NDUFAF2: variants seen among roughly 807,000 people sequenced by gnomAD.
NDUFAF2 encodes the protein NADH dehydrogenase [ubiquinone] 1 alpha subcomplex assembly factor 2.
Under a neutral mutation model 22.8 loss-of-function variants are expected in NDUFAF2, and 13 were observed. That is an observed-to-expected ratio of 0.57 (90% CI 0.37 to 0.91). The LOEUF (loss-of-function observed/expected upper bound fraction) is 0.91, where lower values mean the gene tolerates loss of function less well. Ranked by LOEUF, NDUFAF2 falls within the 40% of genes least tolerant of loss-of-function variation. The pLI is 0.01. For synonymous variants in NDUFAF2, 53 were observed against 64.2 expected (o/e 0.83, Z 0.84); for missense variants, 162 against 195.2 (o/e 0.83, Z 1.01).
intron 1 of NDUFAF2, among the ~76,000 whole-genome samples, chr5:61,007,820 A>G (rs1370459106): frequency 1.3e-5 from 2 of 152,142 alleles, no homozygotes; most frequent in African/African-American, 2.4e-5. Context: ...CCAAAGGACT[A>G]TAAGTCATGC....
intron 3 of NDUFAF2, among the ~76,000 whole-genome samples, chr5:61,103,643 C>G (rs1487035469): frequency 6.6e-6 from 1 of 152,088 alleles, no homozygotes; most frequent in East Asian, 1.9e-4. Context: ...AATCTCAATA[C>G]TATGTAATTA....
intron 1 of NDUFAF2, among the ~76,000 whole-genome samples, chr5:60,977,835 T>TAAAA (rs1750922411): frequency 1.7e-5 from 1 of 57,770 alleles, no homozygotes; most frequent in Non-Finnish European, 4.1e-5. Context: ...AGACTCTGTC[T>TAAAA]CAAAAAAAAA....
intron 1 of NDUFAF2, among the ~76,000 whole-genome samples, chr5:60,985,014 C>T (rs979744642): frequency 1.3e-5 from 2 of 152,232 alleles, no homozygotes; most frequent in Admixed American, 6.5e-5. Context: ...GCTGTGAATT[C>T]GTCTGGTCCT....
chr5:61,122,616 G>C (rs1365114003), intron 3 of NDUFAF2, among the ~76,000 whole-genome samples: 1 of 152,104 alleles, frequency 6.6e-6, no homozygotes, highest in African/African-American at 2.4e-5. Flanking sequence ...CTCCCCATTT[G>C]TATGGCCTAA....
chr5:61,005,186 T>A (rs1158393847), intron 1 of NDUFAF2, among the ~76,000 whole-genome samples: 1 of 152,140 alleles, frequency 6.6e-6, no homozygotes, highest in Non-Finnish European at 1.5e-5. Context: ...GAAAATGCAG[T>A]GATTGGTTTT....
chr5:61,122,287 C>T (rs1752985548), intron 3 of NDUFAF2, among the ~76,000 whole-genome samples: 1 of 152,166 alleles, frequency 6.6e-6, no homozygotes, highest in African/African-American at 2.4e-5. Context: ...AATGCACTCA[C>T]TAAAGGTCAT....
chr5:61,143,530 G>A (rs895915687), intron 3 of NDUFAF2, among the ~76,000 whole-genome samples: 13 of 152,044 alleles, frequency 8.6e-5, no homozygotes, highest in Non-Finnish European at 1.6e-4. Flanking sequence ...AGCTCCAATA[G>A]ATATTAAAGA....
At chr5:61,059,438 A>G (rs769021071) in intron 1 of NDUFAF2, among the ~76,000 whole-genome samples, 1 of 152,094 alleles carries the variant, frequency 6.6e-6, no homozygotes, top group Non-Finnish European at 1.5e-5. Context: ...AAAATTCATT[A>G]ATGAAGTCCA....
chr5:61,096,220 G>C (rs778539791), intron 2 of NDUFAF2, among the ~76,000 whole-genome samples: 4 of 152,110 alleles, frequency 2.6e-5, no homozygotes, highest in Non-Finnish European at 5.9e-5. Context: ...CCCCAAAAGA[G>C]TAGGTACTTA....
intron 1 of NDUFAF2, among the ~76,000 whole-genome samples, chr5:61,021,769 T>C (rs571155926): frequency 6.6e-6 from 1 of 152,358 alleles, no homozygotes; most frequent in East Asian, 1.9e-4. Flanking sequence ...TTGCTTGTGT[T>C]GTTTAGCATT....
At chr5:60,971,286 C>CTTTTTTTTTTTTTTTT (rs70977817) in intron 1 of NDUFAF2, among the ~76,000 whole-genome samples, 1 of 144,314 alleles carries the variant, frequency 6.9e-6, no homozygotes, top group African/African-American at 2.5e-5. Context: ...TTCTTTCTTT[C>CTTTTTTTTTTTTTTTT]TTTTTTTTTT....
chr5:61,025,250 C>T (rs1751635403), intron 1 of NDUFAF2, among the ~76,000 whole-genome samples: 1 of 151,860 alleles, frequency 6.6e-6, no homozygotes, highest in South Asian at 2.1e-4. Context: ...AGGAGATGTT[C>T]AATATATATT....
chr5:61,077,433 A>G (rs139925701), intron 2 of NDUFAF2, among the ~76,000 whole-genome samples: 1 of 152,346 alleles, frequency 6.6e-6, no homozygotes, highest in East Asian at 1.9e-4. Context: ...TACAGGAACT[A>G]TTTTGTCTGA....
intron 2 of NDUFAF2, among the ~76,000 whole-genome samples, chr5:61,084,740 G>A (rs1345580523): frequency 1.3e-5 from 2 of 152,094 alleles, no homozygotes; most frequent in African/African-American, 2.4e-5. Flanking sequence ...GGACACTGGA[G>A]TTGCTTCCCC....
At chr5:61,103,142 C>T (rs1752722481) in intron 3 of NDUFAF2, among the ~76,000 whole-genome samples, 1 of 152,094 alleles carries the variant, frequency 6.6e-6, no homozygotes, top group Non-Finnish European at 1.5e-5. Context: ...TTTCTGGGAG[C>T]TCTGGCCAAC....
chr5:60,986,273 A>T (rs943541270), intron 1 of NDUFAF2, among the ~76,000 whole-genome samples: 1 of 152,206 alleles, frequency 6.6e-6, no homozygotes, highest in East Asian at 1.9e-4. Context: ...ACTGGATAAA[A>T]TGTGGTACAT....
intron 1 of NDUFAF2, among the ~76,000 whole-genome samples, chr5:60,963,285 A>T (rs576017362): frequency 6.6e-6 from 1 of 152,262 alleles, no homozygotes; most frequent in East Asian, 1.9e-4. Context: ...TTACCTTGAA[A>T]CTATTGTTTT....
At chr5:61,051,206 C>G in intron 1 of NDUFAF2, among the ~76,000 whole-genome samples, 1 of 152,136 alleles carries the variant, frequency 6.6e-6, no homozygotes, top group East Asian at 1.9e-4. Flanking sequence ...TTTTGCCCAC[C>G]TAACTGCTAT....
chr5:61,151,819 A>AAAC (rs954634423), intron 3 of NDUFAF2, among the ~76,000 whole-genome samples: 3 of 152,206 alleles, frequency 2.0e-5, no homozygotes, highest in Admixed American at 1.3e-4. Context: ...AAACCAAAAC[A>AAAC]AACAACAACA....
Sources: allele counts gnomAD v4.1 joint callset (sites outside exome capture counted in the v4.1 genomes callset), GRCh38; gene constraint gnomAD v4.1.1; transcripts MANE v1.5; gene names NCBI Gene and HGNC (gene_info 2026-07-23, HGNC 2026-07-21).